THSD7B: variants seen among roughly 807,000 people sequenced by gnomAD.
The protein encoded by THSD7B is thrombospondin type 1 domain containing 7B, also known as thrombospondin type-1 domain-containing protein 7B.
A neutral mutation model predicts 213.6 loss-of-function variants in THSD7B; 138 were observed. The observed-to-expected ratio is 0.65, with a 90% CI of 0.56 to 0.74. THSD7B has a LOEUF of 0.74. THSD7B is among the 30% of genes least tolerant of loss of function. THSD7B has a pLI of 0.00. For missense variants in THSD7B, 1,931 were observed against 1,991.5 expected (o/e 0.97, Z 0.58); for synonymous variants, 742 against 687.0 (o/e 1.08, Z -1.25).
chr2:136,951,114 G>A (rs1462114398), intron 2 of THSD7B, among the ~76,000 whole-genome samples: 1 of 152,092 alleles, frequency 6.6e-6, no homozygotes, highest in African/African-American at 2.4e-5. Context: ...AGGGCATGAG[G>A]GAGGCCTCAC....
intron 7 of THSD7B, among the ~76,000 whole-genome samples, chr2:137,202,565 CCTAA>C (rs1394342772): frequency 6.6e-6 from 1 of 152,158 alleles, no homozygotes; most frequent in Non-Finnish European, 1.5e-5. Flanking sequence ...CCTGCCAACA[CCTAA>C]CTGTCAGACT....
chr2:136,907,881 A>G (rs1684192131), intron 2 of THSD7B, among the ~76,000 whole-genome samples: 2 of 152,226 alleles, frequency 1.3e-5, no homozygotes, highest in Admixed American at 1.3e-4. Context: ...AAGCAGTAGG[A>G]TGTTGCTTTC....
chr2:137,089,054 AC>A (rs1481265576), intron 3 of THSD7B, among the ~76,000 whole-genome samples: 2 of 152,150 alleles, frequency 1.3e-5, no homozygotes, highest in Admixed American at 6.6e-5. Flanking sequence ...ACTATGAAAA[AC>A]AGTGTGGAGA....
At chr2:137,279,029 C>CA (rs1208953188) in intron 12 of THSD7B, among the ~76,000 whole-genome samples, 3 of 151,640 alleles carry the variant, frequency 2.0e-5, no homozygotes, top group South Asian at 2.1e-4. Flanking sequence ...GTGTTGTCTT[C>CA]AAAAAAACAG....
intron 25 of THSD7B, among the ~76,000 whole-genome samples, chr2:137,660,119 C>T (rs1683315390): frequency 6.6e-6 from 1 of 152,036 alleles, no homozygotes; most frequent in East Asian, 1.9e-4. Flanking sequence ...TTGTATTACA[C>T]TATGATTACT....
intron 12 of THSD7B, among the ~76,000 whole-genome samples, chr2:137,396,754 G>T (rs1686202046): frequency 6.7e-6 from 1 of 149,752 alleles, no homozygotes; most frequent in Non-Finnish European, 1.5e-5. Context: ...GTCTAATGTT[G>T]ACAGTGGGGT....
chr2:137,517,928 T>G (rs780762408), intron 15 of THSD7B, among the ~76,000 whole-genome samples: 3 of 152,166 alleles, frequency 2.0e-5, no homozygotes, highest in Non-Finnish European at 2.9e-5. Flanking sequence ...GGTCATCAAG[T>G]CACCATGCAA....
chr2:136,833,793 G>A (rs1682798335), intron 1 of THSD7B, among the ~76,000 whole-genome samples: 1 of 152,110 alleles, frequency 6.6e-6, no homozygotes, highest in Admixed American at 6.6e-5. Context: ...TTGATGAGGG[G>A]AAGAAGATGA....
At chr2:136,802,645 A>ATATGTT (rs1335826763) in intron 1 of THSD7B, among the ~76,000 whole-genome samples, 1 of 70,996 alleles carries the variant, frequency 1.4e-5, no homozygotes, top group Non-Finnish European at 2.6e-5. Flanking sequence ...AAGTTTATAT[A>ATATGTT]TATATATATA....
chr2:136,990,507 C>A (rs1005676350), intron 2 of THSD7B, among the ~76,000 whole-genome samples: 4 of 152,080 alleles, frequency 2.6e-5, no homozygotes, highest in African/African-American at 9.7e-5. Flanking sequence ...AGGCAGGGAG[C>A]AGATGAACCT....
intron 1 of THSD7B, among the ~76,000 whole-genome samples, chr2:136,849,842 G>A (rs1012400549): frequency 1.1e-4 from 17 of 151,932 alleles, no homozygotes; most frequent in African/African-American, 4.1e-4. Context: ...ATAACACCTA[G>A]GCATAAACCA....
intron 7 of THSD7B, among the ~76,000 whole-genome samples, chr2:137,179,459 T>C (rs1472481841): frequency 6.6e-6 from 1 of 152,034 alleles, no homozygotes; most frequent in African/African-American, 2.4e-5. Context: ...ACTTCTCCAT[T>C]ATGACAGAGT....
chr2:137,624,192 A>T (rs986500560), intron 20 of THSD7B, among the ~76,000 whole-genome samples: 1 of 152,244 alleles, frequency 6.6e-6, no homozygotes, highest in Admixed American at 6.5e-5. Flanking sequence ...CAACCATCTG[A>T]TCTTTGACAA....
At chr2:137,332,642 C>T (rs571347980) in intron 12 of THSD7B, among the ~76,000 whole-genome samples, 1 of 152,128 alleles carries the variant, frequency 6.6e-6, no homozygotes, top group Non-Finnish European at 1.5e-5. Context: ...TGTGTTTCCA[C>T]TCAAATCTCA....
intron 1 of THSD7B, among the ~76,000 whole-genome samples, chr2:136,816,794 GT>G (rs1224710219): frequency 6.6e-6 from 1 of 152,118 alleles, no homozygotes; most frequent in Non-Finnish European, 1.5e-5. Context: ...GCTGAGAAAG[GT>G]TTTATAATCT....
chr2:137,664,500 G>A lies in THSD7B; in HGVS notation c.4651+925G>A, dbSNP rs114490022. On this transcript the variant is annotated intron_variant, in intron 26 of 27. Coordinates refer to ENST00000409968, the MANE Select transcript of THSD7B (RefSeq NM_001316349.2). ...ATTAGGCCTGTAGGGCTCAGTAATC[G>A]ACTCTTACTAAGTGCAGGAATGGAC... Among the ~76,000 whole-genome samples the A allele has an allele frequency of 2.8e-3, 433 of 152,178 alleles. 2 individuals are homozygous for A. The highest frequency in any genetic ancestry group is 9.8e-3 in the African/African-American group (408 of 41,528).
chr2:137,479,769 A>C (rs539682614), intron 15 of THSD7B, among the ~76,000 whole-genome samples: 1 of 152,268 alleles, frequency 6.6e-6, no homozygotes, highest in Admixed American at 6.5e-5. Context: ...GGCTATTGAG[A>C]TCCTGGCAGT....
rs373637940 is a variant in THSD7B, at chr2:137,676,647, C to T, written c.*42C>T. ...AAATGTAGACATCAACTGCCTTAAC[C>T]GCTTTCTCTTTTGTAGCTCTCAGAC... On this transcript the variant is annotated 3_prime_UTR_variant, in exon 28 of 28. Coordinates refer to ENST00000409968, the MANE Select transcript of THSD7B (RefSeq NM_001316349.2). The T allele has an allele frequency of 2.3e-5, 35 of 1,496,624 alleles. No individual in the cohort carries two copies. Among genetic ancestry groups the T allele is most frequent in the East Asian group, 4.9e-5 (2 of 40,484 alleles). 92.7% of individuals were successfully genotyped at this position (1,496,624 alleles called of 1,614,324 possible).
intron 4 of THSD7B, among the ~76,000 whole-genome samples, chr2:137,099,171 T>C (rs1003943247): frequency 2.0e-5 from 3 of 152,138 alleles, no homozygotes; most frequent in Non-Finnish European, 4.4e-5. Flanking sequence ...ACCTTGGCTC[T>C]TGGTGTGGTT....
Sources: allele counts gnomAD v4.1 joint callset (sites outside exome capture counted in the v4.1 genomes callset), GRCh38; gene constraint gnomAD v4.1.1; transcripts MANE v1.5; gene names NCBI Gene and HGNC (gene_info 2026-07-23, HGNC 2026-07-21).